Variants in PELP1 observed in about 807,000 individuals in gnomAD.
The protein encoded by PELP1 is proline-, glutamic acid- and leucine-rich protein 1.
PELP1 carries 32 observed loss-of-function variants against 95.5 expected under a neutral mutation model. The observed-to-expected ratio is 0.34, with a 90% CI of 0.25 to 0.45. The LOEUF (loss-of-function observed/expected upper bound fraction) is 0.45, where lower values mean the gene tolerates loss of function less well. Among genes scored for constraint, PELP1 ranks in the 20% least tolerant of loss-of-function variants. The pLI is 1.00. For missense variants in PELP1, 1,358 were observed against 1,444.8 expected (o/e 0.94, Z 0.97); for synonymous variants, 668 against 600.1 (o/e 1.11, Z -1.65).
At chr17:4,698,177 T>C (rs995057629) in intron 1 of PELP1, among the ~76,000 whole-genome samples, 2 of 152,066 alleles carry the variant, frequency 1.3e-5, no homozygotes, top group Non-Finnish European at 2.9e-5. Context: ...GCAGTATTCT[T>C]GCTGAAAACG....
chr17:4,695,195 G>A (rs1014831843), intron 1 of PELP1, among the ~76,000 whole-genome samples: 9 of 151,336 alleles, frequency 5.9e-5, no homozygotes, highest in Non-Finnish European at 7.4e-5. Context: ...GGTGGCGGGC[G>A]CCCGTAATCC....
chr17:4,672,869 G>A lies in PELP1; in HGVS notation c.2122C>T (p.His708Tyr), dbSNP rs1386624036. Residue 708 changes from histidine to tyrosine, a missense_variant, in exon 16 of 17, where the codon CAC becomes TAC. Physicochemically the swap from His to Tyr is moderately conservative, Grantham distance 83. Coordinates refer to ENST00000572293, the MANE Select transcript of PELP1 (RefSeq NM_014389.3). ...AGGCCTGGGACAGAAAGGCCTAGGT[G>A]GTTGGCTGTGGTGGGAGGTCCAGGG... ...ARPGPPTTAN[H>Y]LGLSVPGLVS... 3.1e-6 allele frequency: 5 copies of A among 1,613,950 alleles called. No homozygotes were observed. Among genetic ancestry groups the A allele is most frequent in the Non-Finnish European group, 4.2e-6 (5 of 1,179,854 alleles).
At chr17:4,701,718 T>C (rs1417242544) in intron 1 of PELP1, among the ~76,000 whole-genome samples, 1 of 152,302 alleles carries the variant, frequency 6.6e-6, no homozygotes, top group East Asian at 1.9e-4. Flanking sequence ...AGACTAGAAA[T>C]TCTCTGAGGG....
chr17:4,700,185 G>T (rs867929141), intron 1 of PELP1, among the ~76,000 whole-genome samples: 24 of 152,172 alleles, frequency 1.6e-4, no homozygotes, highest in South Asian at 4.2e-4. Flanking sequence ...GATTACAGGC[G>T]TGAGCCATCA....
Position 4,698,187 on chromosome 17 carries a change from G to A in PELP1, c.249+5676C>T, listed in dbSNP as rs373654804. The stretch of plus-strand genomic sequence containing the variant: ...CTTCTGCAGTATTCTTGCTGAAAAC[G>A]CACAAATCTCCAGTTTAATTTGTCT... On this transcript the variant is annotated intron_variant, in intron 1 of 16. Transcript: ENST00000572293. Among the ~76,000 whole-genome samples, 4 of 151,944 alleles carry A rather than the reference G, an allele frequency of 2.6e-5. No homozygotes were observed. The South Asian group carries it at 8.3e-4, about 32-fold the overall frequency.
At chr17:4,685,973 T>C (rs1345134000) in intron 3 of PELP1, among the ~76,000 whole-genome samples, 1 of 151,974 alleles carries the variant, frequency 6.6e-6, no homozygotes, top group Admixed American at 6.6e-5. Flanking sequence ...GATAGGCGCC[T>C]GTAATCCCAG....
intron 3 of PELP1, among the ~76,000 whole-genome samples, chr17:4,689,536 G>C (rs1231471469): frequency 6.6e-6 from 1 of 152,158 alleles, no homozygotes; most frequent in African/African-American, 2.4e-5. Flanking sequence ...ATTCTCAAAA[G>C]AAGATATACA....
Position 4,672,001 on chromosome 17 carries a change from G to A in PELP1, c.2990C>T (p.Pro997Leu), listed in dbSNP as rs750931651. The A allele has an allele frequency of 1.9e-6, 3 of 1,563,242 alleles. No homozygotes were observed. The South Asian group carries it at 3.7e-5, about 19-fold the overall frequency. ...CAGCCCGGGTTCAGGTTCGGGTTCT[G>A]GCTGCACCTTTGGGGGAGACTCAGG... The part of the protein sequence containing the change: ...PPPESPPKVQ[P>L]EPEPEPGLLL... The change falls in exon 16 of 17, where the codon CCA (proline) becomes CTA (leucine). Residue 997 changes from proline (P) to leucine (L), a missense_variant. This residue lies in a region of PELP1 where 283 missense variants were observed against 284.1 expected (regional missense o/e 1.00). Coordinates refer to ENST00000572293, the MANE Select transcript of PELP1 (RefSeq NM_014389.3).
In PELP1 at chr17:4,672,445, A is replaced by C. The variant is rs199636910; in HGVS notation, c.2546T>G (p.Val849Gly). Residue 849 changes from valine to glycine, a missense_variant, in exon 16 of 17, where the codon GTT (valine) becomes GGT (glycine). Val to Gly is a moderately radical substitution (Grantham distance 109). Around this residue, in one of 7 missense-constraint regions of PELP1, gnomAD observed 340 missense variants for 322.9 expected, o/e 1.05. Transcript: ENST00000572293. ...TGGAGGGAGCGTCACAGGACCAGGA[A>C]CAGGCGGCGGCGGAGGTGGGGGTGG... ...LPPPPPPPPP[V>G]PGPVTLPPPQ... The C allele has an allele frequency of 1.3e-6, 2 of 1,568,742 alleles. No individual in the cohort carries two copies. The highest frequency in any genetic ancestry group is 1.7e-6 in the Non-Finnish European group (2 of 1,157,478).
chr17:4,704,048 C>A lies in PELP1; in HGVS notation c.64G>T (p.Gly22Trp). 4 of 1,612,564 alleles carry A rather than the reference C, an allele frequency of 2.5e-6. No individual in the cohort carries two copies. The highest frequency in any genetic ancestry group is 3.4e-6 in the Non-Finnish European group (4 of 1,179,636). ...CCCGAGCTCACTGCCGAGAGACCCC[C>A]GGTCCCGCCAGGAACCCCAGCCGCG... ...GSAAGVPGGTGGLSAVSSGPR... is the reference protein window; with the variant it reads ...GSAAGVPGGTWGLSAVSSGPR... Residue 22 changes from glycine (G) to tryptophan (W), a missense_variant, in exon 1 of 17, where the codon GGG becomes TGG. By Grantham distance (184) the Gly-to-Trp change is radical. Around this residue, in one of 7 missense-constraint regions of PELP1, gnomAD observed 169 missense variants for 134.9 expected, o/e 1.25. Transcript: ENST00000572293.
Position 4,675,859 on chromosome 17 carries a change from C to T in PELP1, c.1006G>A (p.Val336Ile), listed in dbSNP as rs1474987568. The change falls in exon 9 of 17, where the codon GTC becomes ATC. Residue 336 changes from valine (V) to isoleucine (I), a missense_variant. By Grantham distance (29) the Val-to-Ile change is conservative. This residue lies in a region of PELP1 where 538 missense variants were observed against 628.1 expected (regional missense o/e 0.86). Transcript: ENST00000572293. The surrounding 1 kb of genome is among the most constrained non-coding windows in gnomAD (Gnocchi z 4.3). ...LSSEFGAPVSVPVQEILDFIC... is the reference protein window; with the variant it reads ...LSSEFGAPVSIPVQEILDFIC... Reference sequence around the variant, plus strand: ...AAATCCAGGATTTCCTGCACAGGGACGGACACGGGAGCTCCAAACTCAGAG... The same window carrying T: ...AAATCCAGGATTTCCTGCACAGGGATGGACACGGGAGCTCCAAACTCAGAG... 23 of 1,592,010 alleles carry T rather than the reference C, an allele frequency of 1.4e-5. No individual in the cohort carries two copies. Among genetic ancestry groups the T allele is most frequent in the Middle Eastern group, 1.7e-4 (1 of 6,042 alleles).
At chr17:4,681,758 C>T (rs150434214) in intron 5 of PELP1, among the ~76,000 whole-genome samples, 158 of 152,070 alleles carry the variant, frequency 1.0e-3, no homozygotes, top group African/African-American at 3.2e-3. Flanking sequence ...CAAGATCACG[C>T]CACTGCACTC....
chr17:4,672,150 T>C lies in PELP1; in HGVS notation c.2841A>G (p.Glu947=), dbSNP rs112480622. The C allele has an allele frequency of 7.7e-5, 119 of 1,548,784 alleles. No individual in the cohort carries two copies. In the African/African-American group the frequency reaches 9.0e-4, roughly 12 times the overall value. The stretch of plus-strand genomic sequence containing the variant: ...CTTCTTCCTCCTCCTCATCCTCCTC[T>C]TCTTCTTCTTCCTCTAACTCACCTT... ...EEEGELEEEE[E]EEDEEEEEEL... is the part of the protein sequence containing the mutation. Residue 947 remains glutamate (E), a synonymous_variant, in exon 16 of 17, where the codon GAA becomes GAG. Coordinates refer to ENST00000572293, the MANE Select transcript of PELP1 (RefSeq NM_014389.3).
Position 4,673,679 on chromosome 17 carries a change from G to A in PELP1, c.1583-5C>T, listed in dbSNP as rs367964235. The A allele has an allele frequency of 6.2e-7, 1 of 1,613,574 alleles. No homozygotes were observed. Among genetic ancestry groups the A allele is most frequent in the Non-Finnish European group, 8.5e-7 (1 of 1,179,638 alleles). On this transcript the variant is annotated splice_polypyrimidine_tract_variant and splice_region_variant and intron_variant, in intron 13 of 16. Coordinates refer to ENST00000572293, the MANE Select transcript of PELP1 (RefSeq NM_014389.3). The surrounding 1 kb of genome is among the most constrained non-coding windows in gnomAD (Gnocchi z 5.7). ...TGAGGATGGTCCGGCTGAGGCCTGG[G>A]GAAGAAGAATGGTGTGTAAAGGGTA...
At chr17:4,684,587 C>T (rs1406165774) in intron 3 of PELP1, among the ~76,000 whole-genome samples, 1 of 143,426 alleles carries the variant, frequency 7.0e-6, no homozygotes, top group Non-Finnish European at 1.5e-5. Flanking sequence ...TACACTGTCA[C>T]TCGCTTTATC....
intron 13 of PELP1, 83 bp downstream of exon 13, chr17:4,674,427 T>C (rs374703781): frequency 4.4e-5 from 56 of 1,282,436 alleles, no homozygotes; most frequent in African/African-American, 3.9e-4. Context: ...CACCTAAGGG[T>C]ATAGTAGGTA....
rs1912444132 is a variant in PELP1 at position 4,675,857 on chromosome 17, G to T, written c.1008C>A (p.Val336=). Reference sequence around the variant, plus strand: ...TGAAATCCAGGATTTCCTGCACAGGGACGGACACGGGAGCTCCAAACTCAG... The same window carrying T: ...TGAAATCCAGGATTTCCTGCACAGGTACGGACACGGGAGCTCCAAACTCAG... ...LSSEFGAPVS[V]PVQEILDFIC... The change falls in exon 9 of 17, where the codon GTC becomes GTA. Residue 336 remains valine, a synonymous_variant. Transcript: ENST00000572293. The surrounding 1 kb of genome is among the most constrained non-coding windows in gnomAD (Gnocchi z 4.3). The T allele has an allele frequency of 4.4e-6, 7 of 1,592,072 alleles. No homozygotes were observed. In the East Asian group the frequency reaches 1.6e-4, roughly 36 times the overall value.
Position 4,676,337 on chromosome 17 carries a change from C to T in PELP1, c.853+20G>A, listed in dbSNP as rs761412233. 1 of 1,610,360 alleles carries T rather than the reference C, an allele frequency of 6.2e-7. No homozygotes were observed. Among genetic ancestry groups the T allele is most frequent in the South Asian group, 1.1e-5 (1 of 90,944 alleles). On this transcript the variant is annotated intron_variant, in intron 7 of 16. Transcript: ENST00000572293. ...CGCTTCCTCACTATTGTTCCACTAA[C>T]TAGCAGCCCTGGTCCCTACCAGTCT...
rs1567660119 is a variant in PELP1 at position 4,672,927 on chromosome 17, G to A, written c.2064C>T (p.Pro688=). 1 of 1,610,442 alleles carries A rather than the reference G, an allele frequency of 6.2e-7. No individual in the cohort carries two copies. Residue 688 remains proline (P), a synonymous_variant, in exon 16 of 17, where the codon CCC becomes CCT. Transcript: ENST00000572293. Reference sequence around the variant, plus strand: ...AGGGCACAGGGCCTGCTGAGGGCATGGGGCCTGCTGAAGGCATGGGGCCTG... The same window carrying A: ...AGGGCACAGGGCCTGCTGAGGGCATAGGGCCTGCTGAAGGCATGGGGCCTG... ...PSAGPMPSAG[P]MPSAGPVPSA...
Sources: allele counts gnomAD v4.1 joint callset (sites outside exome capture counted in the v4.1 genomes callset), GRCh38; gene constraint gnomAD v4.1.1; regional missense constraint gnomAD v4.1.1; non-coding constraint Gnocchi (gnomAD v3.1); transcripts MANE v1.5; gene names NCBI Gene and HGNC (gene_info 2026-07-23, HGNC 2026-07-21).